Variants in PEX14 observed in about 807,000 individuals in gnomAD.
The protein encoded by PEX14 is peroxisomal biogenesis factor 14, also known as peroxisomal membrane protein PEX14.
A neutral mutation model predicts 49.5 loss-of-function variants in PEX14; 15 were observed. The ratio of observed to expected loss-of-function variants is 0.30; its 90% CI spans 0.20 to 0.47. PEX14 has a LOEUF of 0.47. Among genes scored for constraint, PEX14 ranks in the 20% least tolerant of loss-of-function variants. PEX14 has a pLI of 1.00. For synonymous variants in PEX14, 210 were observed against 212.7 expected (o/e 0.99, Z 0.11); for missense variants, 398 against 494.8 (o/e 0.80, Z 1.86).
chr1:10,610,045 TATAA>T (rs1641234259), intron 4 of PEX14, among the ~76,000 whole-genome samples: 2 of 148,444 alleles, frequency 1.3e-5, no homozygotes, highest in East Asian at 3.9e-4. Flanking sequence ...TACATATTTA[TATAA>T]ATACATATAA....
chr1:10,484,804 T>C (rs1570132838), intron 1 of PEX14, among the ~76,000 whole-genome samples: 2 of 151,666 alleles, frequency 1.3e-5, no homozygotes, highest in Non-Finnish European at 2.9e-5. Flanking sequence ...CTGGAGACTT[T>C]AGTGTGTTAC....
intron 2 of PEX14, among the ~76,000 whole-genome samples, chr1:10,508,206 T>C (rs1325647945): frequency 6.6e-6 from 1 of 152,154 alleles, no homozygotes; most frequent in Non-Finnish European, 1.5e-5. Context: ...TTTTTGTTTT[T>C]TGTTTTTGTT....
At chr1:10,484,290 G>A (rs921734649) in intron 1 of PEX14, among the ~76,000 whole-genome samples, 25 of 151,444 alleles carry the variant, frequency 1.7e-4, no homozygotes, top group African/African-American at 6.1e-4. Context: ...TGCCCACCTC[G>A]GCCTCCCAAA....
At chr1:10,531,332 CAG>C (rs1331100158) in intron 2 of PEX14, among the ~76,000 whole-genome samples, 4 of 152,220 alleles carry the variant, frequency 2.6e-5, no homozygotes, top group African/African-American at 4.8e-5. Flanking sequence ...GAACTCCTGA[CAG>C]AGTACTGATT....
intron 3 of PEX14, among the ~76,000 whole-genome samples, chr1:10,588,336 C>G (rs1472856419): frequency 6.6e-6 from 1 of 152,104 alleles, no homozygotes; most frequent in African/African-American, 2.4e-5. Context: ...ACCACTGTGC[C>G]CAGCTACATG....
chr1:10,501,208 C>T (rs1641670970), intron 2 of PEX14, among the ~76,000 whole-genome samples: 1 of 152,224 alleles, frequency 6.6e-6, no homozygotes, highest in South Asian at 2.1e-4. Flanking sequence ...ACTTCCACCT[C>T]TTTTTCCTGC....
At chr1:10,615,567 G>A (rs139880156) in intron 4 of PEX14, among the ~76,000 whole-genome samples, 172 of 152,346 alleles carry the variant, frequency 1.1e-3, no homozygotes, top group African/African-American at 4.1e-3. Context: ...GTGAATTATC[G>A]GCCCCATGGA....
At chr1:10,551,533 A>T (rs1639334183) in intron 3 of PEX14, among the ~76,000 whole-genome samples, 2 of 152,128 alleles carry the variant, frequency 1.3e-5, no homozygotes, top group African/African-American at 4.8e-5. Flanking sequence ...AGGGCAGTAA[A>T]TGTATTTCAC....
chr1:10,583,333 C>CTTCA (rs1161306890), intron 3 of PEX14, among the ~76,000 whole-genome samples: 1 of 150,622 alleles, frequency 6.6e-6, no homozygotes, highest in African/African-American at 2.4e-5. Context: ...AGTCCTCCTG[C>CTTCA]TTCAGCCTCC....
chr1:10,479,610 G>T (rs182037349), intron 1 of PEX14, among the ~76,000 whole-genome samples: 8 of 152,288 alleles, frequency 5.3e-5, no homozygotes, highest in Non-Finnish European at 1.2e-4. Context: ...TGAGTATCGA[G>T]TATTATTGCA....
intron 3 of PEX14, among the ~76,000 whole-genome samples, chr1:10,585,390 T>C (rs1419594009): frequency 6.6e-6 from 1 of 152,054 alleles, no homozygotes; most frequent in African/African-American, 2.4e-5. Context: ...CAAATTGTAA[T>C]ATGAAAGATA....
At chr1:10,491,136 G>C (rs532365927) in intron 1 of PEX14, among the ~76,000 whole-genome samples, 1 of 151,564 alleles carries the variant, frequency 6.6e-6, no homozygotes, top group South Asian at 2.1e-4. Flanking sequence ...CAAAATGCTG[G>C]GATTACAGGC....
chr1:10,611,131 G>A (rs994857823), intron 4 of PEX14, among the ~76,000 whole-genome samples: 3 of 151,972 alleles, frequency 2.0e-5, no homozygotes, highest in African/African-American at 7.2e-5. Context: ...TGAGCCTGGT[G>A]GCATGCCTGT....
intron 2 of PEX14, among the ~76,000 whole-genome samples, chr1:10,503,380 T>C (rs1156393673): frequency 6.9e-6 from 1 of 145,228 alleles, no homozygotes; most frequent in Admixed American, 6.8e-5. Flanking sequence ...TCTTAACCAA[T>C]ACAACAGTCA....
chr1:10,598,975 G>A (rs1217832694), intron 3 of PEX14, among the ~76,000 whole-genome samples: 2 of 151,808 alleles, frequency 1.3e-5, no homozygotes, highest in Admixed American at 6.6e-5. Flanking sequence ...AGTACCGAGC[G>A]ACTTCAAAAG....
chr1:10,582,803 A>G (rs982526706), intron 3 of PEX14, among the ~76,000 whole-genome samples: 4 of 152,010 alleles, frequency 2.6e-5, no homozygotes, highest in African/African-American at 9.7e-5. Flanking sequence ...GCACGATCTC[A>G]GCTCACTGTG....
At position 10,529,354 on chromosome 1, in the gene PEX14, C is replaced by T. The variant is rs562535065; in HGVS notation, c.85-6859C>T. Among the ~76,000 whole-genome samples the T allele has an allele frequency of 6.6e-6, 1 of 152,360 alleles. No homozygotes were observed. Among genetic ancestry groups the T allele is most frequent in the Non-Finnish European group, 1.5e-5 (1 of 68,030 alleles). ...CTCCACTGCACCAGCGCCCTTTGGG[C>T]TGGAAGTTGGCACCCAGAGTCCTCG... is the stretch of plus-strand genomic sequence containing the variant. On this transcript the variant is annotated intron_variant, in intron 2 of 8. Coordinates refer to ENST00000356607, the MANE Select transcript of PEX14 (RefSeq NM_004565.3). The surrounding 1 kb of genome is among the most constrained non-coding windows in gnomAD (Gnocchi z 4.2).
At chr1:10,616,254 A>C (rs1641412900) in intron 4 of PEX14, among the ~76,000 whole-genome samples, 1 of 152,090 alleles carries the variant, frequency 6.6e-6, no homozygotes, top group Non-Finnish European at 1.5e-5. Flanking sequence ...GCTGCGTGCC[A>C]GCAGCCCCTT....
chr1:10,577,556 A>C (rs1318734062), intron 3 of PEX14, among the ~76,000 whole-genome samples: 4 of 5,892 alleles, frequency 6.8e-4, no homozygotes, highest in African/African-American at 1.5e-3. Flanking sequence ...ATATATATAT[A>C]TATATATTTT....
Sources: gnomAD v4.1 joint callset for allele counts (sites outside exome capture counted in the v4.1 genomes callset) on GRCh38, gnomAD v4.1.1 for gene constraint, Gnocchi (gnomAD v3.1) non-coding constraint, MANE v1.5 for transcripts, NCBI Gene and HGNC (gene_info 2026-07-23, HGNC 2026-07-21) for gene names.